EYS: variants seen among roughly 807,000 people sequenced by gnomAD.
EYS encodes EGF-like photoreceptor maintenance factor, also known as protein eyes shut homolog.
Under a neutral mutation model 282.1 loss-of-function variants are expected in EYS, and 250 were observed. The ratio of observed to expected loss-of-function variants is 0.89; its 90% CI spans 0.80 to 0.98. EYS has a LOEUF of 0.98. Among genes scored for constraint, EYS ranks in the 50% least tolerant of loss-of-function variants. The probability of loss-of-function intolerance (pLI) is 0.00; values close to 1 mark genes in which losing one functional copy is unlikely to be tolerated. For synonymous variants in EYS, 1,355 were observed against 1,282.9 expected, an observed-to-expected ratio of 1.06 and a Z score of -1.20; for missense variants, 4,016 against 3,709.0, an observed-to-expected ratio of 1.08 and a Z score of -2.15.
At chr6:65,590,893 T>C (rs1396089008) in intron 2 of EYS, among the ~76,000 whole-genome samples, 1 of 151,968 alleles carries the variant, frequency 6.6e-6, no homozygotes, top group Non-Finnish European at 1.5e-5. Flanking sequence ...GATGGACACT[T>C]AGATTCCATA....
chr6:65,299,706 C>T (rs1582114993), intron 11 of EYS, among the ~76,000 whole-genome samples: 1 of 151,488 alleles, frequency 6.6e-6, no homozygotes, highest in Non-Finnish European at 1.5e-5. Flanking sequence ...TCTAACTCAT[C>T]CTGCCACCTA....
intron 12 of EYS, among the ~76,000 whole-genome samples, chr6:65,150,957 T>A (rs897510712): frequency 3.3e-5 from 5 of 152,062 alleles, no homozygotes; most frequent in African/African-American, 1.2e-4. Context: ...TGATCAGGGC[T>A]CTGAACTTTT....
At chr6:64,831,753 T>G (rs554533051) in intron 19 of EYS, among the ~76,000 whole-genome samples, 1 of 152,128 alleles carries the variant, frequency 6.6e-6, no homozygotes, top group African/African-American at 2.4e-5. Flanking sequence ...CACAGTTTAT[T>G]GTAAAAGTTA....
At chr6:64,449,378 C>G (rs562071296) in intron 26 of EYS, among the ~76,000 whole-genome samples, 175 of 152,250 alleles carry the variant, frequency 1.1e-3, no homozygotes, top group African/African-American at 4.1e-3. Flanking sequence ...CTCTACGTCT[C>G]ATTGGTGTAC....
chr6:64,772,540 A>G (rs1421164960), intron 22 of EYS, among the ~76,000 whole-genome samples: 1 of 151,762 alleles, frequency 6.6e-6, no homozygotes, highest in East Asian at 1.9e-4. Context: ...TTATTTTAAA[A>G]TCTACAGTAA....
chr6:65,260,379 C>T, intron 12 of EYS, among the ~76,000 whole-genome samples: 1 of 152,098 alleles, frequency 6.6e-6, no homozygotes, highest in East Asian at 1.9e-4. Context: ...GCCTGCTCTA[C>T]TTTACCACAC....
At chr6:65,480,694 T>C (rs1765574659) in intron 5 of EYS, among the ~76,000 whole-genome samples, 1 of 152,144 alleles carries the variant, frequency 6.6e-6, no homozygotes, top group African/African-American at 2.4e-5. Context: ...ATAGTCAATA[T>C]ATGGAATCAA....
chr6:65,311,790 A>G (rs1393167289), intron 11 of EYS, among the ~76,000 whole-genome samples: 3 of 152,190 alleles, frequency 2.0e-5, no homozygotes, highest in Admixed American at 6.5e-5. Context: ...ATCACTCATT[A>G]TGTATCCCAA....
At chr6:65,217,572 A>G (rs563607250) in intron 12 of EYS, among the ~76,000 whole-genome samples, 1 of 152,126 alleles carries the variant, frequency 6.6e-6, no homozygotes, top group East Asian at 1.9e-4. Flanking sequence ...GAGCAAAGGA[A>G]GGGAGCTCCT....
At chr6:65,191,639 A>G (rs1011475040) in intron 12 of EYS, among the ~76,000 whole-genome samples, 1 of 151,872 alleles carries the variant, frequency 6.6e-6, no homozygotes. Context: ...CATGCATCAC[A>G]GCATTGGGAG....
At chr6:65,519,706 ATATTTTTTT>A (rs1436471119) in intron 2 of EYS, among the ~76,000 whole-genome samples, 1 of 36,598 alleles carries the variant, frequency 2.7e-5, no homozygotes. Flanking sequence ...ATATATATAT[ATATTTTTTT>A]TTTTTTTTTT....
chr6:63,787,742 G>C (rs1770402832), intron 39 of EYS, among the ~76,000 whole-genome samples: 1 of 152,134 alleles, frequency 6.6e-6, no homozygotes, highest in African/African-American at 2.4e-5. Flanking sequence ...GGGAGTTCGA[G>C]ACCAGCCTGA....
chr6:65,285,086 A>C (rs7451257), intron 12 of EYS, among the ~76,000 whole-genome samples: 78,956 of 151,762 alleles, frequency 0.52, 22,656 homozygotes, highest in East Asian at 0.91. Context: ...CATGTAATGG[A>C]AGCTTTCAAA....
chr6:64,117,328 A>AT (rs1773418293), intron 31 of EYS, among the ~76,000 whole-genome samples: 1 of 141,712 alleles, frequency 7.1e-6, no homozygotes, highest in Non-Finnish European at 1.6e-5. Flanking sequence ...GAGAGGAACA[A>AT]CCCCCCCCCC....
intron 26 of EYS, among the ~76,000 whole-genome samples, chr6:64,475,794 T>C (rs1312135314): frequency 2.0e-5 from 3 of 152,104 alleles, no homozygotes; most frequent in Non-Finnish European, 4.4e-5. Context: ...ATTACTGTTG[T>C]GATGTTTTTT....
At chr6:63,988,168 C>A (rs1767452492) in intron 34 of EYS, among the ~76,000 whole-genome samples, 1 of 151,620 alleles carries the variant, frequency 6.6e-6, no homozygotes, top group Non-Finnish European at 1.5e-5. Flanking sequence ...ATTAGCAGAT[C>A]TGTCTATTAG....
intron 26 of EYS, among the ~76,000 whole-genome samples, chr6:64,456,506 T>G (rs552528443): frequency 6.6e-6 from 1 of 152,114 alleles, no homozygotes; most frequent in African/African-American, 2.4e-5. Flanking sequence ...TCCTTGAATC[T>G]TTCAGTTTTT....
chr6:65,530,250 T>C (rs777316319), intron 2 of EYS, among the ~76,000 whole-genome samples: 1 of 152,172 alleles, frequency 6.6e-6, no homozygotes, highest in Non-Finnish European at 1.5e-5. Flanking sequence ...GTGAAACTTC[T>C]AGAGAGAGCA....
At chr6:64,690,843 C>T (rs749574127) in intron 22 of EYS, among the ~76,000 whole-genome samples, 16 of 149,906 alleles carry the variant, frequency 1.1e-4, no homozygotes, top group Admixed American at 1.3e-4. Flanking sequence ...GTGGGGGGAG[C>T]GGGGAGGGAT....
Sources: allele counts gnomAD v4.1 joint callset (sites outside exome capture counted in the v4.1 genomes callset), GRCh38; gene constraint gnomAD v4.1.1; transcripts MANE v1.5; gene names NCBI Gene and HGNC (gene_info 2026-07-23, HGNC 2026-07-21).